The following GLRA1 variants were observed in gnomAD, a reference collection of about 807,000 sequenced individuals.
GLRA1 encodes glycine receptor subunit alpha-1.
In GLRA1, 37 loss-of-function variants were observed where a neutral mutation model predicts 48.3. The ratio of observed to expected loss-of-function variants is 0.77; its 90% CI spans 0.59 to 1.01. The LOEUF (loss-of-function observed/expected upper bound fraction) is 1.01, where lower values mean the gene tolerates loss of function less well. Among genes scored for constraint, GLRA1 ranks in the 50% least tolerant of loss-of-function variants. The pLI, the probability that GLRA1 is intolerant of heterozygous loss-of-function variation, is 0.00. For missense variants in GLRA1, 427 were observed against 571.0 expected, an observed-to-expected ratio of 0.75 and a Z score of 2.57; for synonymous variants, 196 against 210.7, an observed-to-expected ratio of 0.93 and a Z score of 0.60.
At chr5:151,831,828 C>T (rs541858727) in intron 7 of GLRA1, among the ~76,000 whole-genome samples, 1 of 152,302 alleles carries the variant, frequency 6.6e-6, no homozygotes, top group East Asian at 1.9e-4. Context: ...CAAGTGGGTC[C>T]CTGACCCCTG....
chr5:151,890,761 T>C (rs1232040407), intron 2 of GLRA1, among the ~76,000 whole-genome samples: 1 of 152,168 alleles, frequency 6.6e-6, no homozygotes, highest in Non-Finnish European at 1.5e-5. Context: ...CCCCTCTAGG[T>C]ATTAGAGGTT....
chr5:151,828,988 G>A lies in GLRA1; in HGVS notation c.992C>T (p.Ala331Val), dbSNP rs776477331. ...ATGTTGCCGAGACACAAAGTTAACG[G>A]CAGCATATTCTAATAGGGCTGAGAA... ...FVFSALLEYA[A>V]VNFVSRQHKE... The change falls in exon 8 of 9, where the codon GCC (alanine) becomes GTC (valine). Residue 331 changes from alanine to valine, a missense_variant. Ala to Val is a moderately conservative substitution (Grantham distance 64). This residue lies in a region of GLRA1 where 271 missense variants were observed against 434.9 expected (regional missense o/e 0.62). Transcript: ENST00000274576. 1 of 1,614,122 alleles carries A rather than the reference G, an allele frequency of 6.2e-7. No individual in the cohort carries two copies. Among genetic ancestry groups the A allele is most frequent in the South Asian group, 1.1e-5 (1 of 91,086 alleles).
At chr5:151,865,382 G>A (rs1753309369) in intron 3 of GLRA1, among the ~76,000 whole-genome samples, 1 of 152,144 alleles carries the variant, frequency 6.6e-6, no homozygotes, top group Admixed American at 6.5e-5. Context: ...AGCCAAAGAG[G>A]GAAAGCATTT....
At chr5:151,839,996 A>T (rs1226190235) in intron 7 of GLRA1, among the ~76,000 whole-genome samples, 2 of 152,232 alleles carry the variant, frequency 1.3e-5, no homozygotes, top group Non-Finnish European at 2.9e-5. Flanking sequence ...TGTTTCTAAA[A>T]TAAGATGAAA....
rs1752585619 is a variant in GLRA1, at chr5:151,843,883, AGT to A, written c.912+7505_912+7506del. 2.6e-5 allele frequency among the ~76,000 whole-genome samples: 4 copies of A among 152,236 alleles called. No individual in the cohort carries two copies. The South Asian group carries it at 8.3e-4, about 32-fold the overall frequency. ...TGGATATTCACACGTGAAAGAATGA[AGT>A]TGGGCTGGGCACGGTGGCTCACACC... On this transcript the variant is annotated intron_variant, in intron 7 of 8. Transcript: ENST00000274576.
In GLRA1 at chr5:151,851,481, A is replaced by G. The variant is rs1049520548; in HGVS notation, c.821T>C (p.Met274Thr). ...ILSWISFWIN[M>T]DAAPARVGLG... Reference sequence around the variant, plus strand: ...GCCCACACGAGCAGGTGCAGCATCCATGTTGATCCAGAAGGAGATCCATGA... The same window carrying G: ...GCCCACACGAGCAGGTGCAGCATCCGTGTTGATCCAGAAGGAGATCCATGA... Residue 274 changes from methionine to threonine, a missense_variant, in exon 7 of 9, where the codon ATG becomes ACG. Around this residue, in one of 4 missense-constraint regions of GLRA1, gnomAD observed 271 missense variants for 434.9 expected, o/e 0.62. Coordinates refer to ENST00000274576, the MANE Select transcript of GLRA1 (RefSeq NM_000171.4). The G allele has an allele frequency of 3.7e-6, 6 of 1,614,102 alleles. No homozygotes were observed. The highest frequency in any genetic ancestry group is 5.1e-6 in the Non-Finnish European group (6 of 1,179,942).
chr5:151,839,407 G>C (rs1763656567), intron 7 of GLRA1, among the ~76,000 whole-genome samples: 1 of 152,190 alleles, frequency 6.6e-6, no homozygotes, highest in Admixed American at 6.6e-5. Context: ...TTAAAGGACA[G>C]TTGAGTAAAT....
At chr5:151,902,366 G>A (rs769080543) in intron 1 of GLRA1, among the ~76,000 whole-genome samples, 13 of 151,876 alleles carry the variant, frequency 8.6e-5, no homozygotes, top group East Asian at 1.9e-4. Flanking sequence ...AACCAATCAC[G>A]GTACGGACAA....
chr5:151,870,638 C>T (rs1288675378), intron 3 of GLRA1, among the ~76,000 whole-genome samples: 9 of 149,556 alleles, frequency 6.0e-5, no homozygotes, highest in Admixed American at 2.0e-4. Context: ...AAGAAAGGGC[C>T]GTTCAAGTAG....
intron 1 of GLRA1, among the ~76,000 whole-genome samples, chr5:151,915,016 T>G (rs1754703724): frequency 6.6e-6 from 1 of 152,166 alleles, no homozygotes; most frequent in South Asian, 2.1e-4. Flanking sequence ...TCACACCCAA[T>G]TTTCAATCCT....
chr5:151,847,324 G>A lies in GLRA1; in HGVS notation c.912+4066C>T, dbSNP rs148548808. 5.9e-5 allele frequency among the ~76,000 whole-genome samples: 9 copies of A among 152,296 alleles called. No homozygotes were observed. The East Asian group carries it at 1.7e-3, about 29-fold the overall frequency. ...GCATGTAGCATTAAAAGAGAGTGAA[G>A]TAGAATGAAGTATCAAGTATTAATA... is the stretch of plus-strand genomic sequence containing the variant. On this transcript the variant is annotated intron_variant, in intron 7 of 8. Coordinates refer to ENST00000274576, the MANE Select transcript of GLRA1 (RefSeq NM_000171.4).
At chr5:151,840,084 A>G (rs1475824722) in intron 7 of GLRA1, among the ~76,000 whole-genome samples, 1 of 147,826 alleles carries the variant, frequency 6.8e-6, no homozygotes, top group East Asian at 2.0e-4. Flanking sequence ...TTAAGATGAC[A>G]CGCTAGAAAA....
At chr5:151,889,942 G>A (rs1380895724) in intron 2 of GLRA1, among the ~76,000 whole-genome samples, 1 of 152,040 alleles carries the variant, frequency 6.6e-6, no homozygotes, top group Non-Finnish European at 1.5e-5. Context: ...CTAGTTGCAG[G>A]GTTGGGACGG....
chr5:151,865,393 TG>T (rs766725981), intron 3 of GLRA1, among the ~76,000 whole-genome samples: 8 of 152,280 alleles, frequency 5.3e-5, no homozygotes, highest in Non-Finnish European at 7.4e-5. Flanking sequence ...GAAAGCATTT[TG>T]GGCAGTTGGA....
chr5:151,849,006 G>T, intron 7 of GLRA1: 1 of 670,352 alleles, frequency 1.5e-6, no homozygotes, highest in Non-Finnish European at 2.8e-6. Context: ...GAAGGATGGC[G>T]CTGCAAGACC....
chr5:151,894,951 G>A (rs1001849205), intron 1 of GLRA1, among the ~76,000 whole-genome samples: 1 of 152,184 alleles, frequency 6.6e-6, no homozygotes, highest in East Asian at 1.9e-4. Flanking sequence ...ATATCCTGGG[G>A]AACTAATTTT....
intron 6 of GLRA1, among the ~76,000 whole-genome samples, chr5:151,854,481 C>G (rs1167093211): frequency 6.6e-6 from 1 of 152,224 alleles, no homozygotes; most frequent in Non-Finnish European, 1.5e-5. Context: ...CAGCCTGAGA[C>G]AGGATACGCA....
chr5:151,860,269 G>T (rs1753160694), intron 3 of GLRA1, among the ~76,000 whole-genome samples: 1 of 151,852 alleles, frequency 6.6e-6, no homozygotes, highest in Non-Finnish European at 1.5e-5. Context: ...TCTTTATTTT[G>T]AAAAAAATTA....
At chr5:151,871,068 G>A (rs1383328846) in intron 3 of GLRA1, among the ~76,000 whole-genome samples, 2 of 149,416 alleles carry the variant, frequency 1.3e-5, no homozygotes, top group African/African-American at 2.6e-5. Flanking sequence ...TGTACTGGGA[G>A]AGAATCATCC....
Sources: gnomAD v4.1 joint callset for allele counts (sites outside exome capture counted in the v4.1 genomes callset) on GRCh38, gnomAD v4.1.1 for gene constraint, gnomAD v4.1.1 regional missense constraint, MANE v1.5 for transcripts, NCBI Gene and HGNC (gene_info 2026-07-23, HGNC 2026-07-21) for gene names.